Variants in EXOC6 observed in about 807,000 individuals in gnomAD.
EXOC6 encodes exocyst complex component 6.
A neutral mutation model predicts 112.5 loss-of-function variants in EXOC6; 60 were observed. The ratio of observed to expected loss-of-function variants is 0.53; its 90% CI spans 0.43 to 0.66. The LOEUF is 0.66. Ranked by LOEUF, EXOC6 falls within the 30% of genes least tolerant of loss-of-function variation. The pLI, the probability that EXOC6 is intolerant of heterozygous loss-of-function variation, is 0.00. For missense variants in EXOC6, 855 were observed against 957.1 expected (o/e 0.89, Z 1.41); for synonymous variants, 295 against 308.0 (o/e 0.96, Z 0.44).
Position 92,974,138 on chromosome 10 carries a change from G to A in EXOC6, c.1859G>A (p.Trp620Ter). The change falls in exon 18 of 22, where the codon TGG becomes TAG. Residue 620 changes from tryptophan to a stop codon, truncating the protein, a stop_gained. Transcript: ENST00000260762. LOFTEE classifies it high-confidence loss of function. ...TTTGTTCAGCTTGCTGATTATGACT[G>A]GACAATGTCTGAGCCAGATGGAAGA... ...DEFVQLADYD[W>*]TMSEPDGRAS... is the part of the protein sequence containing the mutation. 1.2e-6 allele frequency: 2 copies of A among 1,603,000 alleles called. No homozygotes were observed. The highest frequency in any genetic ancestry group is 8.5e-7 in the Non-Finnish European group (1 of 1,177,374).
intron 12 of EXOC6, among the ~76,000 whole-genome samples, chr10:92,938,475 GT>G (rs1852478655): frequency 6.6e-6 from 1 of 152,046 alleles, no homozygotes; most frequent in Admixed American, 6.5e-5. Flanking sequence ...ATAATACTTA[GT>G]TTTTTAAATC....
chr10:93,000,827 A>C, intron 19 of EXOC6, among the ~76,000 whole-genome samples: 1 of 152,218 alleles, frequency 6.6e-6, no homozygotes, highest in Non-Finnish European at 1.5e-5. Context: ...TAAGTAATAT[A>C]GCATGGATAA....
At chr10:92,875,110 C>T (rs144269308) in intron 1 of EXOC6, among the ~76,000 whole-genome samples, 6 of 152,176 alleles carry the variant, frequency 3.9e-5, no homozygotes, top group African/African-American at 1.4e-4. Context: ...CATGCTATCC[C>T]CAGGCACAGC....
chr10:93,025,798 T>G (rs983497846), intron 20 of EXOC6, among the ~76,000 whole-genome samples: 1 of 152,166 alleles, frequency 6.6e-6, no homozygotes, highest in Non-Finnish European at 1.5e-5. Flanking sequence ...TGCTGCTGAT[T>G]TTTCACCAGG....
chr10:92,988,771 A>G (rs1179078600), intron 18 of EXOC6, among the ~76,000 whole-genome samples: 2 of 150,908 alleles, frequency 1.3e-5, no homozygotes, highest in African/African-American at 4.9e-5. Flanking sequence ...ATCACTGCTG[A>G]CATGACAAAA....
chr10:92,917,305 G>A (rs1319414384), intron 7 of EXOC6, among the ~76,000 whole-genome samples: 1 of 151,688 alleles, frequency 6.6e-6, no homozygotes, highest in African/African-American at 2.4e-5. Flanking sequence ...TGAATTACCT[G>A]TTGTCAGATT....
rs1429217668 is a variant in EXOC6, at chr10:92,931,116, A to G, written c.972+2694A>G. Among the ~76,000 whole-genome samples the G allele has an allele frequency of 3.8e-3, 156 of 41,092 alleles. 1 individual carries two copies. In the East Asian group the frequency reaches 0.055, roughly 14 times the overall value. 27.0% of individuals were successfully genotyped at this position (41,092 alleles called of 152,430 possible). ...ACAGAGCAAGACTCCATCTCAGAAG[A>G]AAAAAAAAAAAAAAAAAAAAAAAGG... On this transcript the variant is annotated intron_variant, in intron 9 of 21. Coordinates refer to ENST00000260762, the MANE Select transcript of EXOC6 (RefSeq NM_019053.6).
intron 1 of EXOC6, among the ~76,000 whole-genome samples, chr10:92,891,817 A>G (rs565714536): frequency 1.6e-4 from 25 of 152,290 alleles, no homozygotes; most frequent in Admixed American, 6.5e-4. Context: ...GGTATCCTAT[A>G]TTGTTACCTC....
chr10:92,997,371 T>C (rs1843540761), intron 18 of EXOC6, 103 bp from the exon 19 acceptor site: 1 of 1,100,302 alleles, frequency 9.1e-7, no homozygotes, highest in African/African-American at 1.6e-5. Flanking sequence ...GTACCAAGCA[T>C]AAGCAACAAA....
chr10:92,875,882 C>A (rs546217331), intron 1 of EXOC6, among the ~76,000 whole-genome samples: 1 of 151,686 alleles, frequency 6.6e-6, no homozygotes, highest in Admixed American at 6.6e-5. Flanking sequence ...AATAAAAATA[C>A]AATTTTTTGA....
chr10:92,909,041 A>C (rs1028623690), intron 5 of EXOC6, among the ~76,000 whole-genome samples: 1 of 152,150 alleles, frequency 6.6e-6, no homozygotes. Flanking sequence ...GTGTGGTGAT[A>C]CTGTGTGGAT....
intron 20 of EXOC6, among the ~76,000 whole-genome samples, chr10:93,048,043 G>C (rs1301077749): frequency 6.6e-6 from 1 of 152,132 alleles, no homozygotes; most frequent in Non-Finnish European, 1.5e-5. Context: ...AGTACTGCTA[G>C]TTCATGTATG....
At chr10:92,981,529 C>T (rs938203409) in intron 18 of EXOC6, among the ~76,000 whole-genome samples, 3 of 152,140 alleles carry the variant, frequency 2.0e-5, no homozygotes, top group African/African-American at 7.2e-5. Context: ...TTTATACTAA[C>T]ACATGGTTGT....
chr10:92,877,029 G>T (rs934165100), intron 1 of EXOC6, among the ~76,000 whole-genome samples: 2 of 152,128 alleles, frequency 1.3e-5, no homozygotes, highest in African/African-American at 2.4e-5. Context: ...TCTGCGTAAT[G>T]ATTTTTTGTT....
intron 1 of EXOC6, among the ~76,000 whole-genome samples, chr10:92,869,649 T>C (rs1458120609): frequency 1.3e-5 from 2 of 152,296 alleles, no homozygotes; most frequent in South Asian, 2.1e-4. Context: ...TTTGCTCATA[T>C]ATAAATGAAT....
intron 8 of EXOC6, among the ~76,000 whole-genome samples, chr10:92,927,758 C>T (rs1347415652): frequency 6.6e-6 from 1 of 152,026 alleles, no homozygotes; most frequent in East Asian, 1.9e-4. Flanking sequence ...AATAACAAGC[C>T]TTCAGAAGTT....
chr10:92,973,031 T>G (rs1437704439), intron 17 of EXOC6, among the ~76,000 whole-genome samples: 1 of 152,194 alleles, frequency 6.6e-6, no homozygotes, highest in Non-Finnish European at 1.5e-5. Flanking sequence ...ACCTACCATC[T>G]CAGGCATCCT....
chr10:92,917,831 T>A (rs1038864885), intron 7 of EXOC6, among the ~76,000 whole-genome samples: 2 of 152,200 alleles, frequency 1.3e-5, no homozygotes, highest in Non-Finnish European at 2.9e-5. Flanking sequence ...TGAGCCACCA[T>A]GCCCGGCATC....
intron 7 of EXOC6, among the ~76,000 whole-genome samples, chr10:92,919,686 C>T (rs1485485499): frequency 1.3e-5 from 2 of 152,074 alleles, no homozygotes; most frequent in Non-Finnish European, 2.9e-5. Flanking sequence ...TTATCCATAG[C>T]AGTTTTCTGT....
Sources: gnomAD v4.1 joint callset for allele counts (sites outside exome capture counted in the v4.1 genomes callset) on GRCh38, gnomAD v4.1.1 for gene constraint, MANE v1.5 for transcripts, NCBI Gene and HGNC (gene_info 2026-07-23, HGNC 2026-07-21) for gene names.